NPAS2: variants seen among roughly 807,000 people sequenced by gnomAD.
NPAS2 encodes neuronal PAS domain protein 2.
A neutral mutation model predicts 107.5 loss-of-function variants in NPAS2; 23 were observed. The ratio of observed to expected loss-of-function variants is 0.21; its 90% CI spans 0.15 to 0.30. The LOEUF (loss-of-function observed/expected upper bound fraction) is 0.30, where lower values mean the gene tolerates loss of function less well. Ranked by LOEUF, NPAS2 falls within the 10% of genes least tolerant of loss-of-function variation. The pLI is 1.00. For synonymous variants in NPAS2, 403 were observed against 417.5 expected (o/e 0.97, Z 0.42); for missense variants, 756 against 1,043.3 (o/e 0.72, Z 3.79).
At chr2:100,843,353 C>A (rs948238275) in intron 1 of NPAS2, among the ~76,000 whole-genome samples, 2 of 152,106 alleles carry the variant, frequency 1.3e-5, no homozygotes, top group African/African-American at 2.4e-5. Flanking sequence ...GCTATAAAGC[C>A]TCCCCTGCCC....
At chr2:100,865,047 A>G (rs1679170271) in intron 1 of NPAS2, among the ~76,000 whole-genome samples, 1 of 152,218 alleles carries the variant, frequency 6.6e-6, no homozygotes, top group Non-Finnish European at 1.5e-5. Context: ...GTCCTCTGGG[A>G]AACTCCACTG....
At chr2:100,888,223 A>G (rs1044059577) in intron 1 of NPAS2, among the ~76,000 whole-genome samples, 19 of 152,140 alleles carry the variant, frequency 1.2e-4, no homozygotes, top group Admixed American at 2.0e-4. Flanking sequence ...AGCTCTTCAT[A>G]TTCTATACTA....
chr2:100,925,877 A>G (rs1573635409), intron 3 of NPAS2, among the ~76,000 whole-genome samples: 1 of 152,226 alleles, frequency 6.6e-6, no homozygotes, highest in African/African-American at 2.4e-5. Context: ...TGGTGTAACC[A>G]TCACCACTCT....
intron 1 of NPAS2, among the ~76,000 whole-genome samples, chr2:100,839,710 A>G (rs1677276116): frequency 6.6e-6 from 1 of 152,194 alleles, no homozygotes; most frequent in Admixed American, 6.5e-5. Context: ...GCATTGTTCA[A>G]GAGTCAGCCA....
chr2:100,947,413 TG>T (rs1674965652), intron 5 of NPAS2, among the ~76,000 whole-genome samples: 1 of 151,916 alleles, frequency 6.6e-6, no homozygotes, highest in African/African-American at 2.4e-5. Flanking sequence ...TAGCCGGCCA[TG>T]GTGGCAAACA....
chr2:100,840,376 G>A (rs1677321840), intron 1 of NPAS2, among the ~76,000 whole-genome samples: 1 of 152,156 alleles, frequency 6.6e-6, no homozygotes, highest in African/African-American at 2.4e-5. Context: ...AGGAGCTGCT[G>A]TAGAGTAGAC....
At chr2:100,990,168 T>C in intron 17 of NPAS2, 88 bp from the exon 18 acceptor site, 2 of 1,165,598 alleles carry the variant, frequency 1.7e-6, no homozygotes, top group Non-Finnish European at 2.5e-6. Context: ...CAAGGGTAGG[T>C]AGAAGGAGGA....
At chr2:100,953,383 A>C (rs906484403) in intron 7 of NPAS2, among the ~76,000 whole-genome samples, 4 of 151,722 alleles carry the variant, frequency 2.6e-5, no homozygotes, top group Non-Finnish European at 5.9e-5. Flanking sequence ...CATAAAAAAA[A>C]AAAAAAACAA....
chr2:100,947,219 G>A (rs2105037565), intron 5 of NPAS2, among the ~76,000 whole-genome samples: 1 of 152,288 alleles, frequency 6.6e-6, no homozygotes, highest in South Asian at 2.1e-4. Context: ...TATCCAATAT[G>A]GTAGCCACTA....
chr2:100,848,297 G>A (rs1288625411), intron 1 of NPAS2, among the ~76,000 whole-genome samples: 1 of 152,154 alleles, frequency 6.6e-6, no homozygotes, highest in Non-Finnish European at 1.5e-5. Flanking sequence ...CTTAGGGTGT[G>A]ATCTTCCAGG....
chr2:100,882,374 C>T (rs1441809400), intron 1 of NPAS2, among the ~76,000 whole-genome samples: 4 of 152,158 alleles, frequency 2.6e-5, no homozygotes, highest in South Asian at 2.1e-4. Flanking sequence ...CTTTGGGAGG[C>T]CAAGGTGGGC....
chr2:100,886,921 G>GT (rs769405949), intron 1 of NPAS2, among the ~76,000 whole-genome samples: 12 of 152,198 alleles, frequency 7.9e-5, no homozygotes, highest in Non-Finnish European at 1.5e-4. Flanking sequence ...AGAGTCATGA[G>GT]TTTTTAGATT....
intron 1 of NPAS2, among the ~76,000 whole-genome samples, chr2:100,870,402 C>G (rs79947476): frequency 7.3e-5 from 11 of 151,646 alleles, no homozygotes; most frequent in Non-Finnish European, 1.5e-4. Flanking sequence ...TCACCCCACC[C>G]CTCATTTTTT....
chr2:100,863,942 G>C (rs1407968216), intron 1 of NPAS2, among the ~76,000 whole-genome samples: 1 of 152,146 alleles, frequency 6.6e-6, no homozygotes, highest in South Asian at 2.1e-4. Flanking sequence ...TTGTCACGCT[G>C]CCAAATCCAA....
intron 1 of NPAS2, among the ~76,000 whole-genome samples, chr2:100,844,135 C>A (rs1016961170): frequency 1.3e-5 from 2 of 152,146 alleles, no homozygotes; most frequent in African/African-American, 2.4e-5. Flanking sequence ...AATACTGACC[C>A]AATTAATATA....
chr2:100,959,488 C>T (rs1222423724), intron 7 of NPAS2, among the ~76,000 whole-genome samples: 1 of 152,200 alleles, frequency 6.6e-6, no homozygotes, highest in African/African-American at 2.4e-5. Flanking sequence ...ATTCAGAACA[C>T]ATTGGGTCAA....
At chr2:100,863,467 C>T (rs974636355) in intron 1 of NPAS2, among the ~76,000 whole-genome samples, 3 of 152,148 alleles carry the variant, frequency 2.0e-5, no homozygotes, top group Admixed American at 1.3e-4. Flanking sequence ...CCACACAGTC[C>T]GTGGGCCCAC....
intron 1 of NPAS2, among the ~76,000 whole-genome samples, chr2:100,821,851 T>C (rs998590742): frequency 6.6e-6 from 1 of 152,216 alleles, no homozygotes; most frequent in Non-Finnish European, 1.5e-5. Flanking sequence ...TATCCTGACC[T>C]GCGCCACTAT....
At chr2:100,889,166 C>T (rs1483046742) in intron 1 of NPAS2, among the ~76,000 whole-genome samples, 1 of 152,184 alleles carries the variant, frequency 6.6e-6, no homozygotes, top group Non-Finnish European at 1.5e-5. Flanking sequence ...CTACCTGTCC[C>T]ATTACCGGTG....
Sources: allele counts gnomAD v4.1 joint callset (sites outside exome capture counted in the v4.1 genomes callset), GRCh38; gene constraint gnomAD v4.1.1; transcripts MANE v1.5; gene names NCBI Gene and HGNC (gene_info 2026-07-23, HGNC 2026-07-21).